RIMS1: variants seen among roughly 807,000 people sequenced by gnomAD.
The protein encoded by RIMS1 is regulating synaptic membrane exocytosis protein 1.
Under a neutral mutation model 214.1 loss-of-function variants are expected in RIMS1, and 83 were observed. That is an observed-to-expected ratio of 0.39 (90% confidence interval 0.32 to 0.47). The LOEUF (loss-of-function observed/expected upper bound fraction) is 0.47. Ranked by LOEUF, RIMS1 falls within the 20% of genes least tolerant of loss-of-function variation. RIMS1 has a pLI of 0.99. For missense variants in RIMS1, 2,050 were observed against 2,161.8 expected (o/e 0.95, Z 1.03); for synonymous variants, 793 against 786.8 (o/e 1.01, Z -0.13).
intron 2 of RIMS1, among the ~76,000 whole-genome samples, chr6:72,057,925 T>G (rs567469645): frequency 6.6e-6 from 1 of 152,350 alleles, no homozygotes; most frequent in Non-Finnish European, 1.5e-5. Flanking sequence ...ATAACAATTG[T>G]TAAGGCTGTT....
intron 2 of RIMS1, among the ~76,000 whole-genome samples, chr6:72,023,591 G>A (rs2151954207): frequency 6.6e-6 from 1 of 152,148 alleles, no homozygotes; most frequent in South Asian, 2.1e-4. Context: ...TGTTATTTGA[G>A]ATATGGGAGA....
At chr6:71,898,855 GT>G (rs914212152) in intron 1 of RIMS1, among the ~76,000 whole-genome samples, 1 of 152,006 alleles carries the variant, frequency 6.6e-6, no homozygotes. Flanking sequence ...TAGTACAGTG[GT>G]TTTTTTCCAC....
chr6:72,159,937 G>A (rs2045082533), intron 4 of RIMS1, among the ~76,000 whole-genome samples: 1 of 139,568 alleles, frequency 7.2e-6, no homozygotes, highest in South Asian at 2.4e-4. Context: ...AAAGTCGTTG[G>A]TAGCTTGATG....
intron 33 of RIMS1, 58 bp from the exon 34 acceptor site, chr6:72,400,438 C>A: frequency 6.9e-7 from 1 of 1,457,264 alleles, no homozygotes; most frequent in Non-Finnish European, 9.6e-7. Flanking sequence ...TGCTTTGAGC[C>A]CTTCGAATGT....
At chr6:72,353,141 C>T (rs1045941315) in intron 29 of RIMS1, among the ~76,000 whole-genome samples, 3 of 151,648 alleles carry the variant, frequency 2.0e-5, no homozygotes, top group African/African-American at 4.9e-5. Context: ...CCCACTACCA[C>T]GCTCAGCTAG....
intron 28 of RIMS1, among the ~76,000 whole-genome samples, chr6:72,314,091 A>G (rs2095643819): frequency 6.6e-6 from 1 of 152,156 alleles, no homozygotes; most frequent in Non-Finnish European, 1.5e-5. Flanking sequence ...GGTGTAGTGG[A>G]TGTGTTAACA....
chr6:71,971,765 T>G (rs1304021835), intron 2 of RIMS1, among the ~76,000 whole-genome samples: 1 of 152,134 alleles, frequency 6.6e-6, no homozygotes, highest in East Asian at 1.9e-4. Flanking sequence ...TCAGATCTCA[T>G]GAAACTTATT....
At chr6:72,365,884 C>T (rs1176093593) in intron 29 of RIMS1, 1 of 152,210 alleles carries the variant, frequency 6.6e-6, no homozygotes, top group Non-Finnish European at 1.5e-5. Context: ...AAAGAGCTTA[C>T]ACACGTTTGA....
At chr6:72,354,538 T>C (rs1339649621) in intron 29 of RIMS1, among the ~76,000 whole-genome samples, 3 of 152,242 alleles carry the variant, frequency 2.0e-5, no homozygotes, top group Non-Finnish European at 4.4e-5. Context: ...GTGTAATATC[T>C]AAAATTTGGA....
chr6:72,081,496 G>C lies in RIMS1; in HGVS notation c.246-15453G>C, dbSNP rs188894701. Among the ~76,000 whole-genome samples the C allele has an allele frequency of 2.0e-3, 311 of 152,240 alleles. 3 individuals carry two copies. The South Asian group carries it at 0.026, about 12-fold the overall frequency. ...GGTGCAATATTATGAAAGGTAAAAT[G>C]ACTGCTCCTAGCTTTGTATGCACTG... On this transcript the variant is annotated intron_variant, in intron 2 of 33. Transcript: ENST00000521978.
chr6:72,082,471 G>A (rs187436351), intron 2 of RIMS1, among the ~76,000 whole-genome samples: 5 of 152,262 alleles, frequency 3.3e-5, no homozygotes, highest in Middle Eastern at 3.4e-3. Context: ...GTCTTTGCAT[G>A]TTAAATAACT....
intron 24 of RIMS1, among the ~76,000 whole-genome samples, chr6:72,287,866 C>T (rs900584281): frequency 2.0e-5 from 3 of 152,100 alleles, no homozygotes; most frequent in Non-Finnish European, 2.9e-5. Context: ...TGGCATGAGC[C>T]ACCACGCGCG....
chr6:71,917,085 G>T (rs565022565), intron 1 of RIMS1, among the ~76,000 whole-genome samples: 1 of 152,200 alleles, frequency 6.6e-6, no homozygotes, highest in Non-Finnish European at 1.5e-5. Context: ...TAACCTCTCT[G>T]TGCTTGTTTC....
chr6:72,307,436 G>T (rs1408915605), intron 27 of RIMS1, 66 bp downstream of exon 27: 12 of 1,025,952 alleles, frequency 1.2e-5, no homozygotes, highest in Non-Finnish European at 1.6e-5. Flanking sequence ...TACCAGGCAG[G>T]ATTAGAAAGC....
chr6:71,989,811 G>C (rs1412520730), intron 2 of RIMS1, among the ~76,000 whole-genome samples: 1 of 152,116 alleles, frequency 6.6e-6, no homozygotes, highest in Non-Finnish European at 1.5e-5. Context: ...TGTCAAACTC[G>C]AAATAAGATG....
Position 72,265,401 on chromosome 6 carries a change from C to A in RIMS1, c.3206C>A (p.Pro1069His). ...SHWNIYSSILPAHTKTKSVTR... is the reference protein window; with the variant it reads ...SHWNIYSSILHAHTKTKSVTR... The stretch of plus-strand genomic sequence containing the variant: ...TTTAATTTGTGGAGCTCAATTCTGC[C>A]TGCACATACTAAGACCAAATCAGTG... The change falls in exon 21 of 34, where the codon CCT becomes CAT. Residue 1069 changes from proline to histidine, a missense_variant. Physicochemically the swap from Pro to His is moderately conservative, Grantham distance 77 (BLOSUM62 -2). Transcript: ENST00000521978. 6.3e-7 allele frequency: 1 copy of A among 1,584,456 alleles called. No homozygotes were observed. Among genetic ancestry groups the A allele is most frequent in the South Asian group, 1.1e-5 (1 of 87,480 alleles).
intron 6 of RIMS1, among the ~76,000 whole-genome samples, chr6:72,222,742 T>G (rs933257281): frequency 6.6e-6 from 1 of 152,222 alleles, no homozygotes; most frequent in Admixed American, 6.5e-5. Flanking sequence ...TTAGGAGGGC[T>G]ATAAAGGGAT....
At chr6:71,966,458 C>T (rs1794464646) in intron 1 of RIMS1, among the ~76,000 whole-genome samples, 1 of 152,060 alleles carries the variant, frequency 6.6e-6, no homozygotes, top group African/African-American at 2.4e-5. Context: ...AAACCAAAAC[C>T]ACTGGGACTT....
At chr6:72,009,508 AC>A (rs1461211704) in intron 2 of RIMS1, among the ~76,000 whole-genome samples, 4 of 152,108 alleles carry the variant, frequency 2.6e-5, no homozygotes, top group African/African-American at 9.7e-5. Context: ...GACACAAAAA[AC>A]CTTTCAAAAA....
Sources: gnomAD v4.1 joint callset for allele counts (sites outside exome capture counted in the v4.1 genomes callset) on GRCh38, gnomAD v4.1.1 for gene constraint, MANE v1.5 for transcripts, NCBI Gene and HGNC (gene_info 2026-07-23, HGNC 2026-07-21) for gene names.